NXPE2: variants seen among roughly 807,000 people sequenced by gnomAD.
NXPE2 encodes the protein neurexophilin and PC-esterase domain family member 2.
NXPE2 carries 34 observed loss-of-function variants against 34.4 expected under a neutral mutation model. The ratio of observed to expected loss-of-function variants is 0.99; its 90% CI spans 0.75 to 1.31. The LOEUF is 1.31. Ranked by LOEUF, NXPE2 falls within the 40% of genes most tolerant of loss-of-function variation. NXPE2 has a pLI of 0.00. For synonymous variants in NXPE2, 235 were observed against 231.3 expected, an observed-to-expected ratio of 1.02 and a Z score of -0.15; for missense variants, 649 against 672.5, an observed-to-expected ratio of 0.97 and a Z score of 0.39.
At chr11:114,633,476 A>G in the NXPE2 span, among the ~76,000 whole-genome samples, 2 of 147,982 alleles carry the variant, frequency 1.4e-5, no homozygotes, top group South Asian at 2.1e-4. Context: ...TTTTAGTATT[A>G]TTATACTTCA....
chr11:114,553,922 T>G, the NXPE2 span: 1 of 985,316 alleles, frequency 1.0e-6, no homozygotes, highest in Non-Finnish European at 1.2e-6. Context: ...AAACAGGATT[T>G]TTGTTTTTGT....
At chr11:114,501,296 A>G in the NXPE2 span, among the ~76,000 whole-genome samples, 4 of 152,152 alleles carry the variant, frequency 2.6e-5, no homozygotes, top group African/African-American at 9.7e-5. Flanking sequence ...CATCCAGTCA[A>G]TTTGGAAGCC....
At chr11:114,626,972 A>C in the NXPE2 span, among the ~76,000 whole-genome samples, 1 of 152,224 alleles carries the variant, frequency 6.6e-6, no homozygotes, top group African/African-American at 2.4e-5. Flanking sequence ...TTAGAGAAAA[A>C]AGAATAAAAA....
the NXPE2 span, among the ~76,000 whole-genome samples, chr11:114,738,366 T>A: frequency 6.6e-6 from 1 of 152,216 alleles, no homozygotes; most frequent in East Asian, 1.9e-4. Flanking sequence ...GTCCTACCAC[T>A]ATGAGCCTTT....
chr11:114,792,957 C>T, the NXPE2 span, among the ~76,000 whole-genome samples: 18 of 152,130 alleles, frequency 1.2e-4, no homozygotes, highest in Admixed American at 4.6e-4. Flanking sequence ...TGAATGTCTG[C>T]GGTAAAAAGG....
the NXPE2 span, chr11:114,571,554 G>C: frequency 2.5e-6 from 3 of 1,218,780 alleles, no homozygotes; most frequent in Non-Finnish European, 3.4e-6. Context: ...GAAGAGATTT[G>C]ATTGGTATAA....
the NXPE2 span, among the ~76,000 whole-genome samples, chr11:114,667,315 A>G: frequency 1.3e-5 from 2 of 152,180 alleles, no homozygotes; most frequent in Non-Finnish European, 2.9e-5. Context: ...AATAAACATA[A>G]TTATATTTAA....
At chr11:114,667,379 T>C in the NXPE2 span, among the ~76,000 whole-genome samples, 7 of 152,158 alleles carry the variant, frequency 4.6e-5, no homozygotes, top group African/African-American at 9.6e-5. Context: ...TCTGAAGTAA[T>C]AGACTTCTAA....
the NXPE2 span, among the ~76,000 whole-genome samples, chr11:114,598,987 T>C: frequency 2.6e-5 from 4 of 152,334 alleles, no homozygotes; most frequent in African/African-American, 9.6e-5. Context: ...CCATTTCTTT[T>C]TACCATATGG....
At chr11:114,627,706 T>G in the NXPE2 span, among the ~76,000 whole-genome samples, 2 of 152,078 alleles carry the variant, frequency 1.3e-5, no homozygotes. Flanking sequence ...AATGCTCCAA[T>G]TAAAAGACAC....
At chr11:114,536,863 G>A in the NXPE2 span, among the ~76,000 whole-genome samples, 1 of 152,202 alleles carries the variant, frequency 6.6e-6, no homozygotes, top group Non-Finnish European at 1.5e-5. Flanking sequence ...ACAAAGAGGA[G>A]CTGGTACTAT....
chr11:114,524,525 G>C, the NXPE2 span, among the ~76,000 whole-genome samples: 4 of 152,194 alleles, frequency 2.6e-5, no homozygotes, highest in Non-Finnish European at 4.4e-5. Flanking sequence ...GCTTACTAAA[G>C]GGAGTTTGTA....
At chr11:114,681,429 T>C (rs1271055045) in intron 2 of NXPE2, among the ~76,000 whole-genome samples, 1 of 152,204 alleles carries the variant, frequency 6.6e-6, no homozygotes, top group Non-Finnish European at 1.5e-5. Context: ...CCAAATGCCT[T>C]GGCACAGTGT....
At chr11:114,676,726 A>G (rs532608795), upstream of NXPE2, among the ~76,000 whole-genome samples, 87 of 152,200 alleles carry the variant, frequency 5.7e-4, no homozygotes, top group South Asian at 0.017. Flanking sequence ...AAATGGAAAT[A>G]CTGTATGATC....
the NXPE2 span, among the ~76,000 whole-genome samples, chr11:114,760,368 C>A: frequency 6.6e-6 from 1 of 152,160 alleles, no homozygotes; most frequent in South Asian, 2.1e-4. Flanking sequence ...GCTTCCAGAA[C>A]CGGGAGAAAT....
chr11:114,555,886 C>T, the NXPE2 span, among the ~76,000 whole-genome samples: 1 of 152,152 alleles, frequency 6.6e-6, no homozygotes, highest in African/African-American at 2.4e-5. Flanking sequence ...TGAGCAATAT[C>T]TCATAATATC....
chr11:114,580,407 T>C, the NXPE2 span: 788,510 of 1,311,172 alleles, frequency 0.6, 245,085 homozygotes, highest in East Asian at 0.79. Context: ...ATTAAGAGCC[T>C]TCTATCCTCT....
At chr11:114,633,511 G>A in the NXPE2 span, among the ~76,000 whole-genome samples, 1 of 150,518 alleles carries the variant, frequency 6.6e-6, no homozygotes, top group African/African-American at 2.4e-5. Context: ...TGTGCACAAT[G>A]TGCAGGTTAG....
the NXPE2 span, among the ~76,000 whole-genome samples, chr11:114,556,677 T>A: frequency 6.6e-6 from 1 of 152,024 alleles, no homozygotes; most frequent in Non-Finnish European, 1.5e-5. Flanking sequence ...TTCTAGTGCT[T>A]TCATATCATT....
Sources: allele counts gnomAD v4.1 joint callset (sites outside exome capture counted in the v4.1 genomes callset), GRCh38; gene constraint gnomAD v4.1.1; transcripts MANE v1.5; gene names NCBI Gene and HGNC (gene_info 2026-07-23, HGNC 2026-07-21).